The following ZNF528 variants were observed in gnomAD, a reference collection of about 807,000 sequenced individuals.
ZNF528 encodes the protein zinc finger protein 528.
In ZNF528, 9 loss-of-function variants were observed where a neutral mutation model predicts 13.3. The observed-to-expected ratio is 0.67, with a 90% CI of 0.41 to 1.18. The LOEUF (loss-of-function observed/expected upper bound fraction) is 1.18, where lower values mean the gene tolerates loss of function less well. ZNF528 is among the 50% of genes most tolerant of loss of function. The pLI is 0.01. For synonymous variants in ZNF528, 264 were observed against 254.3 expected (o/e 1.04, Z -0.36); for missense variants, 858 against 745.4 (o/e 1.15, Z -1.76).
At chr19:52,410,259 A>G (rs2122563947) in intron 6 of ZNF528, among the ~76,000 whole-genome samples, 1 of 152,334 alleles carries the variant, frequency 6.6e-6, no homozygotes, top group South Asian at 2.1e-4. Flanking sequence ...ATTTGGAAGA[A>G]AGGGTCAGGG....
At position 52,416,982 on chromosome 19, in the gene ZNF528, GAAGT is replaced by G; in HGVS notation, c.*246_*249del. 2.1e-6 allele frequency: 1 copy of G among 472,784 alleles called. No homozygotes were observed. Among genetic ancestry groups the G allele is most frequent in the Non-Finnish European group, 3.8e-6 (1 of 265,982 alleles). 29.3% of individuals were successfully genotyped at this position (472,784 alleles called of 1,614,324 possible). On this transcript the variant is annotated 3_prime_UTR_variant, in exon 7 of 7. Transcript: ENST00000360465. ...ATAGAACACGATAGGATTTACACAA[GAAGT>G]AACTCTGTCTCTGGTTCTCTGATAC...
In ZNF528 at chr19:52,417,015, T is replaced by C; in HGVS notation, c.*276T>C. ...TCTGTCTCTGGTTCTCTGATACTAATCTATGATATTGCATGATGCAGAATA... is the reference window on the plus strand; with the variant it reads ...TCTGTCTCTGGTTCTCTGATACTAACCTATGATATTGCATGATGCAGAATA... On this transcript the variant is annotated 3_prime_UTR_variant, in exon 7 of 7. Transcript: ENST00000360465. 1 of 415,430 alleles carries C rather than the reference T, an allele frequency of 2.4e-6. No homozygotes were observed. Among genetic ancestry groups the C allele is most frequent in the Non-Finnish European group, 4.3e-6 (1 of 230,096 alleles). The allele number at this position is 415,430 out of a possible 1,614,324, so 25.7% of individuals were successfully genotyped here.
intron 2 of ZNF528, 68 bp downstream of exon 2, chr19:52,398,687 CTG>C (rs762792108): frequency 3.0e-5 from 26 of 863,766 alleles, no homozygotes; most frequent in Non-Finnish European, 3.5e-5. Flanking sequence ...AGAAAAGTAA[CTG>C]TAAAAATATA....
At chr19:52,405,799 C>T in intron 4 of ZNF528, 108 bp from the exon 5 acceptor site, 1 of 1,454,188 alleles carries the variant, frequency 6.9e-7, no homozygotes. Context: ...ATGGATTTTT[C>T]ACAGTGCTCA....
At chr19:52,404,434 G>A (rs933559943) in intron 4 of ZNF528, among the ~76,000 whole-genome samples, 1 of 151,920 alleles carries the variant, frequency 6.6e-6, no homozygotes, top group African/African-American at 2.4e-5. Context: ...CACCATGTTG[G>A]CCAGGATGCT....
At chr19:52,407,502 A>T (rs2058872976) in intron 6 of ZNF528, among the ~76,000 whole-genome samples, 2 of 151,916 alleles carry the variant, frequency 1.3e-5, no homozygotes, top group Non-Finnish European at 2.9e-5. Context: ...TTGGCTGGGC[A>T]CGGTGGCTCA....
chr19:52,404,721 T>C (rs2058834408), intron 4 of ZNF528, among the ~76,000 whole-genome samples: 1 of 151,870 alleles, frequency 6.6e-6, no homozygotes, highest in African/African-American at 2.4e-5. Flanking sequence ...CTCAGCCTTC[T>C]TAGTAGCTGG....
Position 52,414,081 on chromosome 19 carries a change from T to G in ZNF528, c.272-1043T>G, listed in dbSNP as rs534340591. On this transcript the variant is annotated intron_variant, in intron 6 of 6. Coordinates refer to ENST00000360465, the MANE Select transcript of ZNF528 (RefSeq NM_032423.3). ...CCACGTTACCCTGATTCAGAAAACTTCCCGTTCGCAGTACTTTAGAGCACC... is the reference window on the plus strand; with the variant it reads ...CCACGTTACCCTGATTCAGAAAACTGCCCGTTCGCAGTACTTTAGAGCACC... The G allele has an allele frequency of 1.2e-4, 72 of 617,134 alleles. No individual in the cohort carries two copies. In the East Asian group the frequency reaches 1.2e-3, roughly 11 times the overall value. The allele number at this position is 617,134 out of a possible 1,614,324, so 38.2% of individuals were successfully genotyped here. A position where few individuals can be genotyped will look rare whatever the true frequency, so the allele number is the denominator to read the frequency against.
intron 4 of ZNF528, 55 bp from the exon 5 acceptor site, chr19:52,405,852 G>T: frequency 1.3e-6 from 2 of 1,594,014 alleles, no homozygotes; most frequent in South Asian, 1.1e-5. Context: ...CCCATTCTTT[G>T]TGACGATGAG....
chr19:52,399,303 A>G (rs560144406), intron 2 of ZNF528, among the ~76,000 whole-genome samples: 1 of 152,302 alleles, frequency 6.6e-6, no homozygotes, highest in African/African-American at 2.4e-5. Flanking sequence ...ATTTTTCTAT[A>G]ATATAAAATT....
intron 6 of ZNF528, among the ~76,000 whole-genome samples, chr19:52,410,118 A>G (rs1054203830): frequency 1.3e-5 from 2 of 152,222 alleles, no homozygotes; most frequent in African/African-American, 4.8e-5. Flanking sequence ...GTTCTTTTAC[A>G]TAAGAACTGT....
Position 52,416,194 on chromosome 19 carries a change from G to A in ZNF528, c.1342G>A (p.Glu448Lys), listed in dbSNP as rs112643484. The change falls in exon 7 of 7, where the codon GAG (glutamate) becomes AAG (lysine). Residue 448 changes from glutamate to lysine, a missense_variant. Coordinates refer to ENST00000360465, the MANE Select transcript of ZNF528 (RefSeq NM_032423.3). ...KCNKCGTAFR[E>K]FSDLTAHFLI... ...TAATAAATGTGGCACAGCGTTTAGA[G>A]AGTTTTCAGACCTTACTGCCCATTT... 3.8e-5 allele frequency: 62 copies of A among 1,613,738 alleles called. No homozygotes were observed. In the African/African-American group the frequency reaches 7.1e-4, roughly 18 times the overall value.
rs1013386597 is a variant in ZNF528 at position 52,401,994 on chromosome 19, G to A, written c.-20G>A. 4.3e-6 allele frequency: 7 copies of A among 1,614,124 alleles called. No individual in the cohort carries two copies. The highest frequency in any genetic ancestry group is 1.3e-5 in the African/African-American group (1 of 75,020). On this transcript the variant is annotated 5_prime_UTR_variant, in exon 4 of 7. Coordinates refer to ENST00000360465, the MANE Select transcript of ZNF528 (RefSeq NM_032423.3). ...TTATGCAAGGAAGCAACTTGGAAGA[G>A]GAAAGAAAAGAAGTCAGGAATGGCC...
chr19:52,406,801 T>C, intron 6 of ZNF528, 158 bp downstream of exon 6: 1 of 1,000,516 alleles, frequency 1.0e-6, no homozygotes, highest in Non-Finnish European at 1.4e-6. Flanking sequence ...TCTTCCAAAG[T>C]GTTGGGATTA....
At chr19:52,414,700 C>T in intron 6 of ZNF528, 1 of 373,214 alleles carries the variant, frequency 2.7e-6, no homozygotes, top group Non-Finnish European at 5.1e-6. Flanking sequence ...GAATGTTGAG[C>T]TGGTCACATC....
At chr19:52,405,851 T>G (rs931092913) in intron 4 of ZNF528, 56 bp from the exon 5 acceptor site, 2 of 1,593,786 alleles carry the variant, frequency 1.3e-6, no homozygotes, top group African/African-American at 1.3e-5. Context: ...TCCCATTCTT[T>G]GTGACGATGA....
intron 4 of ZNF528, among the ~76,000 whole-genome samples, chr19:52,404,926 A>G (rs2058836582): frequency 6.6e-6 from 1 of 151,758 alleles, no homozygotes; most frequent in Non-Finnish European, 1.5e-5. Flanking sequence ...TAAAAACTAC[A>G]ATAGGTTGGG....
At position 52,410,476 on chromosome 19, in the gene ZNF528, C is replaced by T. The variant is rs1276842208; in HGVS notation, c.271+3833C>T. ...AGTGCCAGGGAATGATTGCCTCCAG[C>T]AAACCTTCTGGCGGTAGGCGCAGTC... On this transcript the variant is annotated intron_variant, in intron 6 of 6. Coordinates refer to ENST00000360465, the MANE Select transcript of ZNF528 (RefSeq NM_032423.3). Among the ~76,000 whole-genome samples, 3 of 152,210 alleles carry T rather than the reference C, an allele frequency of 2.0e-5. No homozygotes were observed. The East Asian group carries it at 5.8e-4, about 29-fold the overall frequency.
At chr19:52,406,415 C>A in intron 5 of ZNF528, 100 bp from the exon 6 acceptor site, 2 of 1,483,506 alleles carry the variant, frequency 1.3e-6, no homozygotes, top group Middle Eastern at 1.9e-4. Flanking sequence ...TTGTGAAATA[C>A]TATTTATGAT....
Sources: gnomAD v4.1 joint callset for allele counts (sites outside exome capture counted in the v4.1 genomes callset) on GRCh38, gnomAD v4.1.1 for gene constraint, MANE v1.5 for transcripts, NCBI Gene and HGNC (gene_info 2026-07-23, HGNC 2026-07-21) for gene names.